KCNH8: variants seen among roughly 807,000 people sequenced by gnomAD.
KCNH8 encodes voltage-gated delayed rectifier potassium channel KCNH8.
Under a neutral mutation model 103.6 loss-of-function variants are expected in KCNH8, and 70 were observed. The observed-to-expected ratio is 0.68, with a 90% CI of 0.56 to 0.82. KCNH8 has a LOEUF of 0.82. Ranked by LOEUF, KCNH8 falls within the 40% of genes least tolerant of loss-of-function variation. KCNH8 has a pLI of 0.00. For synonymous variants in KCNH8, 498 were observed against 489.4 expected (o/e 1.02, Z -0.23); for missense variants, 1,217 against 1,329.9 (o/e 0.92, Z 1.32).
chr3:19,400,623 G>A (rs1398060676), intron 7 of KCNH8, among the ~76,000 whole-genome samples: 2 of 151,842 alleles, frequency 1.3e-5, no homozygotes, highest in Non-Finnish European at 2.9e-5. Context: ...TGTATCATGC[G>A]GGGTAGGGTG....
intron 10 of KCNH8, among the ~76,000 whole-genome samples, chr3:19,456,550 T>C (rs538100288): frequency 3.3e-5 from 5 of 152,122 alleles, no homozygotes; most frequent in African/African-American, 1.2e-4. Context: ...TAGTTGTTGG[T>C]TCTTTATGAA....
chr3:19,285,840 T>A (rs1260622830), intron 3 of KCNH8, among the ~76,000 whole-genome samples: 1 of 152,166 alleles, frequency 6.6e-6, no homozygotes, highest in Non-Finnish European at 1.5e-5. Flanking sequence ...AGTTTTGCGA[T>A]ACAGTATGTT....
In KCNH8 at chr3:19,305,753, A is replaced by G. The variant is rs567159227; in HGVS notation, c.442+24424A>G. Among the ~76,000 whole-genome samples, 11 of 152,240 alleles carry G rather than the reference A, an allele frequency of 7.2e-5. No individual in the cohort carries two copies. The East Asian group carries it at 1.9e-3, about 27-fold the overall frequency. ...AAACAAAAACTTGTATAGAAAACAA[A>G]TATTTATCAGACACCAATGGCTCAG... On this transcript the variant is annotated intron_variant, in intron 3 of 15. Coordinates refer to ENST00000328405, the MANE Select transcript of KCNH8 (RefSeq NM_144633.3).
At chr3:19,499,153 C>T (rs1251110511) in intron 11 of KCNH8, among the ~76,000 whole-genome samples, 1 of 152,112 alleles carries the variant, frequency 6.6e-6, no homozygotes, top group South Asian at 2.1e-4. Context: ...GCAGAAGCCT[C>T]AGGAGCCAAT....
At position 19,484,004 on chromosome 3, in the gene KCNH8, G is replaced by C. The variant is rs191987313; in HGVS notation, c.2041-26359G>C. Among the ~76,000 whole-genome samples, 121 of 152,036 alleles carry C rather than the reference G, an allele frequency of 8.0e-4. 1 individual carries two copies. The highest frequency in any genetic ancestry group is 3.4e-3 in the Middle Eastern group (1 of 294). ...AAATTTACTTACTTTTGGTCATATA[G>C]TCTTTTTTTTAATTAAGAGAGTCAC... On this transcript the variant is annotated intron_variant, in intron 11 of 15. Coordinates refer to ENST00000328405, the MANE Select transcript of KCNH8 (RefSeq NM_144633.3).
chr3:19,493,180 G>A (rs1398064432), intron 11 of KCNH8, among the ~76,000 whole-genome samples: 1 of 152,004 alleles, frequency 6.6e-6, no homozygotes, highest in African/African-American at 2.4e-5. Context: ...GAGACAGTTT[G>A]GCCTCTTGTC....
At chr3:19,400,298 G>A (rs1443368840) in intron 7 of KCNH8, among the ~76,000 whole-genome samples, 1 of 148,320 alleles carries the variant, frequency 6.7e-6, no homozygotes, top group African/African-American at 2.5e-5. Flanking sequence ...ATGGAGAAGT[G>A]GTATTTTTGA....
chr3:19,487,495 C>A (rs911542121), intron 11 of KCNH8, among the ~76,000 whole-genome samples: 3 of 152,092 alleles, frequency 2.0e-5, no homozygotes, highest in African/African-American at 7.2e-5. Flanking sequence ...CTGAGATGAA[C>A]CTGGATTCCC....
intron 11 of KCNH8, among the ~76,000 whole-genome samples, chr3:19,479,404 A>G (rs1273501105): frequency 6.6e-6 from 1 of 152,156 alleles, no homozygotes; most frequent in Non-Finnish European, 1.5e-5. Context: ...TAAAAATGTC[A>G]TTTCTAAGTT....
chr3:19,456,976 G>C lies in KCNH8; in HGVS notation c.2034G>C (p.Glu678Asp). The change falls in exon 11 of 16, where the codon GAG (glutamate) becomes GAC (aspartate). Residue 678 changes from glutamate (E) to aspartate (D), a missense_variant. By Grantham distance (45) the Glu-to-Asp change is conservative. Around this residue, in one of 3 missense-constraint regions of KCNH8, gnomAD observed 415 missense variants for 577.4 expected, o/e 0.72. Coordinates refer to ENST00000328405, the MANE Select transcript of KCNH8 (RefSeq NM_144633.3). ...DLTYNLREGH[E>D]SDVISRLSNK... ...CATACAACCTCCGAGAAGGTCATGA[G>C]AGTGATGTAAGTCCCATTTCTAATT... 1 of 1,607,654 alleles carries C rather than the reference G, an allele frequency of 6.2e-7. No homozygotes were observed. Among genetic ancestry groups the C allele is most frequent in the South Asian group, 1.1e-5 (1 of 90,856 alleles).
At chr3:19,432,854 C>G (rs2067143048) in intron 7 of KCNH8, among the ~76,000 whole-genome samples, 1 of 152,122 alleles carries the variant, frequency 6.6e-6, no homozygotes, top group African/African-American at 2.4e-5. Flanking sequence ...CTATTATTAG[C>G]TGAGATTTAA....
intron 11 of KCNH8, among the ~76,000 whole-genome samples, chr3:19,501,415 A>C (rs1194764884): frequency 6.6e-6 from 1 of 152,204 alleles, no homozygotes; most frequent in Non-Finnish European, 1.5e-5. Context: ...AATCCTCCCT[A>C]ACTCATTTTA....
chr3:19,502,288 G>T, intron 11 of KCNH8, among the ~76,000 whole-genome samples: 1 of 150,918 alleles, frequency 6.6e-6, no homozygotes, highest in Non-Finnish European at 1.5e-5. Context: ...CAAACAAATG[G>T]AAGAACATTC....
intron 1 of KCNH8, among the ~76,000 whole-genome samples, chr3:19,188,183 T>C (rs564227688): frequency 6.6e-6 from 1 of 152,226 alleles, no homozygotes; most frequent in East Asian, 1.9e-4. Context: ...GTTTCTGTAA[T>C]TGTGTTTATT....
intron 1 of KCNH8, among the ~76,000 whole-genome samples, chr3:19,220,394 A>C (rs1318375700): frequency 6.6e-6 from 1 of 152,212 alleles, no homozygotes; most frequent in Non-Finnish European, 1.5e-5. Flanking sequence ...AAACTCATGA[A>C]TGGCTTGCAA....
At chr3:19,178,298 A>T (rs2063419772) in intron 1 of KCNH8, among the ~76,000 whole-genome samples, 1 of 152,104 alleles carries the variant, frequency 6.6e-6, no homozygotes, top group African/African-American at 2.4e-5. Context: ...AATTGTGAAT[A>T]GCTAATAAAG....
At chr3:19,482,100 A>G (rs765579414) in intron 11 of KCNH8, among the ~76,000 whole-genome samples, 1 of 152,168 alleles carries the variant, frequency 6.6e-6, no homozygotes, top group African/African-American at 2.4e-5. Flanking sequence ...TCGATTGAGC[A>G]AGCAAGCAGG....
At chr3:19,363,666 TACTCATATC>T (rs976479866) in intron 5 of KCNH8, among the ~76,000 whole-genome samples, 10 of 152,188 alleles carry the variant, frequency 6.6e-5, no homozygotes, top group Admixed American at 2.0e-4. Context: ...CATTGAACTC[TACTCATATC>T]AATGCTTGTT....
chr3:19,226,986 A>G (rs2063939802), intron 1 of KCNH8, among the ~76,000 whole-genome samples: 1 of 152,136 alleles, frequency 6.6e-6, no homozygotes, highest in Non-Finnish European at 1.5e-5. Flanking sequence ...CCGTGTCCCA[A>G]GTCTTCACCT....
Sources: gnomAD v4.1 joint callset for allele counts (sites outside exome capture counted in the v4.1 genomes callset) on GRCh38, gnomAD v4.1.1 for gene constraint, gnomAD v4.1.1 regional missense constraint, MANE v1.5 for transcripts, NCBI Gene and HGNC (gene_info 2026-07-23, HGNC 2026-07-21) for gene names.